Variants in MAP7 observed in about 807,000 individuals in gnomAD.
MAP7 encodes ensconsin.
A neutral mutation model predicts 94.8 loss-of-function variants in MAP7; 52 were observed. The ratio of observed to expected loss-of-function variants is 0.55; its 90% CI spans 0.44 to 0.69. The LOEUF is 0.69. MAP7 is among the 30% of genes least tolerant of loss of function. The pLI, the probability that MAP7 is intolerant of heterozygous loss-of-function variation, is 0.00. For synonymous variants in MAP7, 350 were observed against 357.0 expected (o/e 0.98, Z 0.22); for missense variants, 940 against 964.6 (o/e 0.97, Z 0.34).
intron 10 of MAP7, among the ~76,000 whole-genome samples, chr6:136,365,295 T>C (rs1309299950): frequency 6.6e-6 from 1 of 152,194 alleles, no homozygotes; most frequent in African/African-American, 2.4e-5. Context: ...TGCCCCACCC[T>C]CTATCTTCAA....
intron 1 of MAP7, among the ~76,000 whole-genome samples, chr6:136,465,316 T>G (rs934377681): frequency 6.6e-6 from 1 of 152,230 alleles, no homozygotes; most frequent in Non-Finnish European, 1.5e-5. Context: ...TTTAAATTTC[T>G]TAATTGGACA....
At chr6:136,430,453 A>G (rs1411809532) in intron 1 of MAP7, among the ~76,000 whole-genome samples, 1 of 152,242 alleles carries the variant, frequency 6.6e-6, no homozygotes, top group Admixed American at 6.5e-5. Flanking sequence ...TTTTGTAAAT[A>G]AATTTGCATG....
chr6:136,423,783 TTTTTTTTTTTTG>T (rs1792231460), intron 1 of MAP7, among the ~76,000 whole-genome samples: 1 of 486 alleles, frequency 2.1e-3, no homozygotes, highest in African/African-American at 4.1e-3. Context: ...GGGAGTTGTG[TTTTTTTTTTTTG>T]TTTTTTTGTT....
chr6:136,550,348 C>T lies in MAP7; in HGVS notation c.61G>A (p.Glu21Lys), dbSNP rs1830059059. ...HRGGDGAVRS[E>K]TAPDSYKVQD... ...ATCCCCGCTGTGCGGTCACCTGTTT[C>T]GCTTCGCACTGCGCCGTCGCCGCCC... Residue 21 changes from glutamate to lysine, a missense_variant, in exon 1 of 18, where the codon GAA becomes AAA. Transcript: ENST00000354570. This position sits in a 1 kb window ranked among gnomAD's most constrained non-coding sequence, Gnocchi z 5.1. 1 of 1,523,802 alleles carries T rather than the reference C, an allele frequency of 6.6e-7. No individual in the cohort carries two copies. Among genetic ancestry groups the T allele is most frequent in the Non-Finnish European group, 8.7e-7 (1 of 1,143,922 alleles). 94.4% of individuals were successfully genotyped at this position (1,523,802 alleles called of 1,614,324 possible).
chr6:136,346,073 G>T lies in MAP7; in HGVS notation c.2022C>A (p.Pro674=), dbSNP rs775133731. The part of the protein sequence containing the change: ...HQSKVTVEST[P]DLEKQPNENG... ...TTTCATTTGGTTGTTTTTCCAAATCGGGAGTGCTAAGGAATTTGAAAAATA... is the reference window on the plus strand; with the variant it reads ...TTTCATTTGGTTGTTTTTCCAAATCTGGAGTGCTAAGGAATTTGAAAAATA... The change falls in exon 17 of 18, where the codon CCC becomes CCA. Residue 674 remains proline (P), a synonymous_variant. Transcript: ENST00000354570. 1 of 1,601,696 alleles carries T rather than the reference G, an allele frequency of 6.2e-7. No homozygotes were observed. The highest frequency in any genetic ancestry group is 8.5e-7 in the Non-Finnish European group (1 of 1,170,076).
chr6:136,520,580 T>A (rs561730996), intron 1 of MAP7, among the ~76,000 whole-genome samples: 1 of 152,226 alleles, frequency 6.6e-6, no homozygotes, highest in Admixed American at 6.5e-5. Context: ...ATTACACTGA[T>A]GTAAGTCAGT....
intron 16 of MAP7, among the ~76,000 whole-genome samples, 171 bp downstream of exon 16, chr6:136,356,521 T>C (rs1321042108): frequency 7.4e-6 from 1 of 135,266 alleles, no homozygotes; most frequent in African/African-American, 2.4e-5. Context: ...TTTAATGACT[T>C]GAGAAAAAAG....
At chr6:136,484,016 C>G (rs1258194542) in intron 1 of MAP7, among the ~76,000 whole-genome samples, 2 of 152,204 alleles carry the variant, frequency 1.3e-5, no homozygotes, top group Non-Finnish European at 2.9e-5. Context: ...GTGATAGAAT[C>G]TCTCTTATCT....
chr6:136,372,716 A>G (rs1774930379), intron 7 of MAP7, 91 bp from the exon 8 acceptor site: 1 of 1,557,618 alleles, frequency 6.4e-7, no homozygotes. Context: ...AGCCAAAAGC[A>G]GGTTCAGGAA....
rs1792413985 is a variant in MAP7, at chr6:136,360,775, A to C, written c.1725T>G (p.Arg575=). ...CCTGCCGGACCCTCTCTGCTTCTTC[A>C]CGAACGCGAGCTTCTTCTTCTTTCT... is the stretch of plus-strand genomic sequence containing the variant. The part of the protein sequence containing the change: ...QRQKEEEARV[R]EEAERVRQER... The change falls in exon 13 of 18, where the codon CGT becomes CGG. Residue 575 remains arginine, a synonymous_variant. Coordinates refer to ENST00000354570, the MANE Select transcript of MAP7 (RefSeq NM_003980.6). The C allele has an allele frequency of 6.2e-7, 1 of 1,613,682 alleles. No homozygotes were observed. The highest frequency in any genetic ancestry group is 1.1e-5 in the South Asian group (1 of 91,088).
chr6:136,448,235 G>A (rs149261755), intron 1 of MAP7, among the ~76,000 whole-genome samples: 40 of 152,172 alleles, frequency 2.6e-4, no homozygotes, highest in African/African-American at 9.2e-4. Flanking sequence ...GACTCTGAAG[G>A]AATAAGTCAA....
At chr6:136,392,778 T>G (rs1471173820) in intron 3 of MAP7, among the ~76,000 whole-genome samples, 1 of 152,202 alleles carries the variant, frequency 6.6e-6, no homozygotes, top group Non-Finnish European at 1.5e-5. Context: ...GAATCAGATG[T>G]GTACCTTGAG....
intron 1 of MAP7, among the ~76,000 whole-genome samples, chr6:136,470,775 T>G (rs1384308292): frequency 6.6e-6 from 1 of 152,008 alleles, no homozygotes; most frequent in African/African-American, 2.4e-5. Context: ...AATGTATAAA[T>G]GAAAAGATGA....
At chr6:136,518,992 C>T (rs1164351913) in intron 1 of MAP7, among the ~76,000 whole-genome samples, 1 of 152,084 alleles carries the variant, frequency 6.6e-6, no homozygotes, top group Non-Finnish European at 1.5e-5. Context: ...CCTCACTATA[C>T]AAAAACTTTG....
Position 136,368,197 on chromosome 6 carries a change from GT to G in MAP7, c.877-1759del, listed in dbSNP as rs537213493. Among the ~76,000 whole-genome samples the G allele has an allele frequency of 9.4e-3, 1,394 of 148,022 alleles. 10 individuals are homozygous for G. Among genetic ancestry groups the G allele is most frequent in the Non-Finnish European group, 0.016 (1,051 of 66,728 alleles). On this transcript the variant is annotated intron_variant, in intron 8 of 17. Coordinates refer to ENST00000354570, the MANE Select transcript of MAP7 (RefSeq NM_003980.6). ...TACTTAACACCCTCCCAACCAGGGA[GT>G]TTTTTTTTTTCTTTCTTTTTTAAAC...
chr6:136,487,963 C>CA (rs1815304888), intron 1 of MAP7, among the ~76,000 whole-genome samples: 1 of 152,154 alleles, frequency 6.6e-6, no homozygotes, highest in African/African-American at 2.4e-5. Flanking sequence ...AAGGGCCTCT[C>CA]AAAAAATTTC....
At chr6:136,473,329 A>C (rs942858496) in intron 1 of MAP7, among the ~76,000 whole-genome samples, 3 of 152,192 alleles carry the variant, frequency 2.0e-5, no homozygotes, top group East Asian at 1.9e-4. Context: ...AAACACCCTA[A>C]ACTGCAATGG....
intron 2 of MAP7, among the ~76,000 whole-genome samples, chr6:136,414,020 C>A (rs187083306): frequency 2.0e-5 from 3 of 151,600 alleles, no homozygotes; most frequent in Admixed American, 6.6e-5. Context: ...GAGGCCGAGG[C>A]GGGCGGATCA....
chr6:136,409,929 T>G (rs755065765), intron 3 of MAP7, among the ~76,000 whole-genome samples: 46 of 152,320 alleles, frequency 3.0e-4, no homozygotes, highest in Admixed American at 1.2e-3. Context: ...CATTACATGT[T>G]AAGAAAAAAT....
Sources: gnomAD v4.1 joint callset for allele counts (sites outside exome capture counted in the v4.1 genomes callset) on GRCh38, gnomAD v4.1.1 for gene constraint, Gnocchi (gnomAD v3.1) non-coding constraint, MANE v1.5 for transcripts, NCBI Gene and HGNC (gene_info 2026-07-23, HGNC 2026-07-21) for gene names.